STAG1: variants seen among roughly 807,000 people sequenced by gnomAD.
STAG1 encodes STAG1 cohesin complex component.
A neutral mutation model predicts 170.9 loss-of-function variants in STAG1; 26 were observed. The observed-to-expected ratio is 0.15, with a 90% confidence interval of 0.11 to 0.21. The LOEUF (loss-of-function observed/expected upper bound fraction) is 0.21, where lower values mean the gene tolerates loss of function less well. Among genes scored for constraint, STAG1 ranks in the 10% least tolerant of loss-of-function variants. STAG1 has a pLI of 1.00. For missense variants in STAG1, 964 were observed against 1,509.5 expected (o/e 0.64, Z 5.99); for synonymous variants, 514 against 497.7 (o/e 1.03, Z -0.44).
At chr3:136,457,193 CA>C (rs1441599593) in intron 13 of STAG1, among the ~76,000 whole-genome samples, 1 of 152,022 alleles carries the variant, frequency 6.6e-6, no homozygotes, top group Admixed American at 6.6e-5. Flanking sequence ...TGCCGCACCA[CA>C]AATATAAGCC....
intron 5 of STAG1, among the ~76,000 whole-genome samples, chr3:136,562,036 GTGTATTTCCCCCAAATA>G (rs1190215297): frequency 6.6e-6 from 1 of 152,048 alleles, no homozygotes; most frequent in Non-Finnish European, 1.5e-5. Flanking sequence ...ATATTTCAGT[GTGTATTTCCCCCAAATA>G]AACCTATTAT....
chr3:136,406,634 C>T (rs1349990213), intron 21 of STAG1, among the ~76,000 whole-genome samples: 1 of 151,982 alleles, frequency 6.6e-6, no homozygotes, highest in Non-Finnish European at 1.5e-5. Flanking sequence ...AACACTGATG[C>T]AAATCCTCAG....
chr3:136,561,668 G>T (rs1936845488), intron 5 of STAG1, among the ~76,000 whole-genome samples: 1 of 152,120 alleles, frequency 6.6e-6, no homozygotes, highest in African/African-American at 2.4e-5. Context: ...TAAAAACAGT[G>T]ATCATAATTA....
At chr3:136,737,634 G>A (rs775488393) in intron 1 of STAG1, among the ~76,000 whole-genome samples, 7 of 152,142 alleles carry the variant, frequency 4.6e-5, no homozygotes, top group African/African-American at 1.2e-4. Flanking sequence ...TAATGATACC[G>A]CTTACTATAT....
chr3:136,338,035 AT>A lies in STAG1; in HGVS notation c.*218del. ...TAAGTCCAATAGTAGGACACAAATGATTTTCAGGTCAGTCTTTCTGAGTTGA... is the reference window on the plus strand; with the variant it reads ...TAAGTCCAATAGTAGGACACAAATGATTTCAGGTCAGTCTTTCTGAGTTGA... On this transcript the variant is annotated 3_prime_UTR_variant, in exon 34 of 34. Coordinates refer to ENST00000383202, the MANE Select transcript of STAG1 (RefSeq NM_005862.3). 1.9e-6 allele frequency: 1 copy of A among 535,072 alleles called. No individual in the cohort carries two copies. The allele number at this position is 535,072 out of a possible 1,614,324, so 33.1% of individuals were successfully genotyped here.
chr3:136,656,435 G>A (rs967979980), intron 1 of STAG1, among the ~76,000 whole-genome samples: 1 of 127,692 alleles, frequency 7.8e-6, no homozygotes, highest in African/African-American at 3.1e-5. Context: ...TAAATTTTAG[G>A]TTGTGTGTAT....
chr3:136,598,109 T>C (rs1938510830), intron 4 of STAG1, among the ~76,000 whole-genome samples: 2 of 152,212 alleles, frequency 1.3e-5, no homozygotes, highest in African/African-American at 4.8e-5. Context: ...TTTCTAATAT[T>C]AAACCATCTC....
chr3:136,405,157 G>A (rs1166963952), intron 21 of STAG1, among the ~76,000 whole-genome samples: 1 of 148,728 alleles, frequency 6.7e-6, no homozygotes, highest in African/African-American at 2.5e-5. Flanking sequence ...GCATTTAGAT[G>A]CAAATAAATA....
chr3:136,528,498 C>A lies in STAG1; in HGVS notation c.472-7081G>T, dbSNP rs561072135. 1.2e-3 allele frequency among the ~76,000 whole-genome samples: 170 copies of A among 137,254 alleles called. 11 individuals are homozygous for A. Among genetic ancestry groups the A allele is most frequent in the African/African-American group, 4.7e-3 (151 of 32,112 alleles). The allele number at this position is 137,254 out of a possible 152,430, so 90.0% of individuals were successfully genotyped here. A position where few individuals can be genotyped will look rare whatever the true frequency, so the allele number is the denominator to read the frequency against. The stretch of plus-strand genomic sequence containing the variant: ...CCCAGCAACAGATGTCCCCGCACCC[C>A]CCCCCCCAAAAAATCACTAAGTCCT... On this transcript the variant is annotated intron_variant, in intron 6 of 33. Transcript: ENST00000383202.
At chr3:136,528,968 A>C (rs1249059948) in intron 6 of STAG1, among the ~76,000 whole-genome samples, 1 of 151,918 alleles carries the variant, frequency 6.6e-6, no homozygotes. Flanking sequence ...AAAAACAGAA[A>C]ACAAACCAAA....
chr3:136,459,175 G>A (rs944728576), intron 13 of STAG1, among the ~76,000 whole-genome samples: 5 of 149,110 alleles, frequency 3.4e-5, no homozygotes, highest in South Asian at 2.1e-4. Flanking sequence ...CCAAGATGGC[G>A]CCACTGCACT....
chr3:136,443,440 T>G lies in STAG1; in HGVS notation c.1429-36A>C, dbSNP rs778124976. ...AAAATCAAGTGTGACCAAAGAATAT[T>G]TAATAAAGAAACTACTAATACTAAT... On this transcript the variant is annotated intron_variant, in intron 14 of 33. Transcript: ENST00000383202. 3.6e-6 allele frequency: 5 copies of G among 1,398,352 alleles called. No homozygotes were observed. The South Asian group carries it at 3.7e-5, about 10-fold the overall frequency. 86.6% of individuals were successfully genotyped at this position (1,398,352 alleles called of 1,614,324 possible).
chr3:136,440,146 T>C (rs1412085405), intron 15 of STAG1, among the ~76,000 whole-genome samples: 3 of 152,150 alleles, frequency 2.0e-5, no homozygotes, highest in African/African-American at 7.2e-5. Context: ...TTTATTTTTT[T>C]CTTTTTTTTG....
chr3:136,651,009 G>C (rs1941199513), intron 1 of STAG1, among the ~76,000 whole-genome samples: 1 of 151,818 alleles, frequency 6.6e-6, no homozygotes, highest in Non-Finnish European at 1.5e-5. Context: ...CTCGGTTTTA[G>C]AAGAAAGGGA....
At chr3:136,719,360 A>C (rs1457167420) in intron 1 of STAG1, among the ~76,000 whole-genome samples, 1 of 152,070 alleles carries the variant, frequency 6.6e-6, no homozygotes, top group East Asian at 1.9e-4. Context: ...AGAAAATGAG[A>C]AATGACTACA....
rs549667115 is a variant in STAG1, at chr3:136,713,354, G to A, written c.-84+38841C>T. Among the ~76,000 whole-genome samples, 51 of 151,924 alleles carry A rather than the reference G, an allele frequency of 3.4e-4. No individual in the cohort carries two copies. In the South Asian group the frequency reaches 6.7e-3, roughly 20 times the overall value. Reference sequence around the variant, plus strand: ...TCCCAGCACTTTGGGAGGCCAAGGCGGGACAATCACTTGAGGTCAGGAGTT... The same window carrying A: ...TCCCAGCACTTTGGGAGGCCAAGGCAGGACAATCACTTGAGGTCAGGAGTT... On this transcript the variant is annotated intron_variant, in intron 1 of 33. Coordinates refer to ENST00000383202, the MANE Select transcript of STAG1 (RefSeq NM_005862.3).
chr3:136,548,201 C>T (rs1351897852), intron 5 of STAG1, among the ~76,000 whole-genome samples: 6 of 151,678 alleles, frequency 4.0e-5, no homozygotes. Context: ...GCAGCCTTGA[C>T]CTCCCCAGCT....
chr3:136,477,190 T>C (rs1205088452), intron 10 of STAG1, 99 bp downstream of exon 10: 1 of 1,333,268 alleles, frequency 7.5e-7, no homozygotes, highest in African/African-American at 1.5e-5. Flanking sequence ...TCCACATGAT[T>C]ACAACTCCTG....
chr3:136,623,375 T>C (rs1939950633), intron 2 of STAG1, 127 bp from the exon 3 acceptor site: 4 of 687,248 alleles, frequency 5.8e-6, no homozygotes, highest in Non-Finnish European at 9.1e-6. Flanking sequence ...TCAGAGAAAC[T>C]CTCTAGCAAA....
Sources: gnomAD v4.1 joint callset for allele counts (sites outside exome capture counted in the v4.1 genomes callset) on GRCh38, gnomAD v4.1.1 for gene constraint, MANE v1.5 for transcripts, NCBI Gene and HGNC (gene_info 2026-07-23, HGNC 2026-07-21) for gene names.